The following ZYG11A variants were observed in gnomAD, a reference collection of about 807,000 sequenced individuals.
ZYG11A encodes the protein zyg-11 family member A, cell cycle regulator.
In ZYG11A, 62 loss-of-function variants were observed where a neutral mutation model predicts 77.2. That is an observed-to-expected ratio of 0.80 (90% CI 0.65 to 0.99). The LOEUF (loss-of-function observed/expected upper bound fraction) is 0.99. Ranked by LOEUF, ZYG11A falls within the 50% of genes least tolerant of loss-of-function variation. ZYG11A has a pLI of 0.00. For synonymous variants in ZYG11A, 315 were observed against 324.6 expected (o/e 0.97, Z 0.32); for missense variants, 828 against 896.8 (o/e 0.92, Z 0.98).
chr1:52,846,277 T>C (rs1184779238), intron 1 of ZYG11A, among the ~76,000 whole-genome samples: 1 of 140,568 alleles, frequency 7.1e-6, no homozygotes, highest in Non-Finnish European at 1.5e-5. Context: ...AGCTAGTTTT[T>C]AGTTCTTTTG....
chr1:52,892,384 CG>C (rs1646559787), intron 13 of ZYG11A, among the ~76,000 whole-genome samples: 1 of 150,708 alleles, frequency 6.6e-6, no homozygotes, highest in African/African-American at 2.4e-5. Flanking sequence ...AAAAATTAGC[CG>C]GGCGTGGTGG....
chr1:52,843,513 G>A (rs1465228309), intron 1 of ZYG11A, among the ~76,000 whole-genome samples: 2 of 152,182 alleles, frequency 1.3e-5, no homozygotes, highest in Non-Finnish European at 2.9e-5. Flanking sequence ...CCGGCTGGGG[G>A]AACTGGAACC....
intron 13 of ZYG11A, among the ~76,000 whole-genome samples, chr1:52,889,338 A>G (rs1182184221): frequency 6.6e-6 from 1 of 152,048 alleles, no homozygotes; most frequent in African/African-American, 2.4e-5. Context: ...TATTTTTATC[A>G]GCATCATGTT....
intron 8 of ZYG11A, among the ~76,000 whole-genome samples, chr1:52,871,336 T>C (rs1646161232): frequency 6.6e-6 from 1 of 152,114 alleles, no homozygotes; most frequent in Admixed American, 6.6e-5. Flanking sequence ...TCTTTGGAAT[T>C]TTTTTGAGAT....
At chr1:52,864,282 G>A (rs1645982426) in intron 5 of ZYG11A, 125 bp downstream of exon 5, 3 of 1,012,000 alleles carry the variant, frequency 3.0e-6, no homozygotes, top group Non-Finnish European at 4.2e-6. Flanking sequence ...GTCTCTCTCT[G>A]TCGCCCAGGC....
At chr1:52,871,402 A>G (rs115575701) in intron 8 of ZYG11A, among the ~76,000 whole-genome samples, 14 of 151,560 alleles carry the variant, frequency 9.2e-5, no homozygotes, top group African/African-American at 3.1e-4. Flanking sequence ...TGCACTGTTT[A>G]TGCTACCTTT....
intron 13 of ZYG11A, among the ~76,000 whole-genome samples, chr1:52,891,399 CA>C (rs1646540745): frequency 6.6e-6 from 1 of 151,688 alleles, no homozygotes; most frequent in Admixed American, 6.6e-5. Context: ...TCAACTTTAG[CA>C]GGGCTTATTT....
intron 12 of ZYG11A, among the ~76,000 whole-genome samples, chr1:52,886,727 T>TTTC (rs869064249): frequency 7.0e-6 from 1 of 142,854 alleles, no homozygotes; most frequent in African/African-American, 2.7e-5. Context: ...TTTTTTTTTT[T>TTTC]GTAGAGACGG....
In ZYG11A at chr1:52,892,893, T is replaced by G. The variant is rs1279822564; in HGVS notation, c.2216T>G (p.Leu739Arg). 1.3e-6 allele frequency: 2 copies of G among 1,551,868 alleles called. No individual in the cohort carries two copies. The highest frequency in any genetic ancestry group is 2.4e-5 in the South Asian group (2 of 84,060). The part of the protein sequence containing the change: ...PKAQQIAASI[L>R]DDFRMHFMNY... ...GCACAGCAGATTGCAGCCTCCATTC[T>G]GGATGACTTCAGAATGCATTTCATG... Residue 739 changes from leucine to arginine, a missense_variant, in exon 14 of 14, where the codon CTG becomes CGG. Transcript: ENST00000371528.
chr1:52,878,666 C>T (rs1347625765), intron 10 of ZYG11A, among the ~76,000 whole-genome samples: 21 of 152,158 alleles, frequency 1.4e-4, no homozygotes, highest in Non-Finnish European at 2.4e-4. Flanking sequence ...CGGCCAGGCA[C>T]GGTGGTTCAT....
intron 1 of ZYG11A, among the ~76,000 whole-genome samples, chr1:52,844,165 C>T (rs1461771248): frequency 6.6e-6 from 1 of 152,170 alleles, no homozygotes; most frequent in East Asian, 1.9e-4. Flanking sequence ...CCGCCAAGGG[C>T]CACCCTTGGG....
At chr1:52,880,565 T>C (rs1326177484) in intron 10 of ZYG11A, among the ~76,000 whole-genome samples, 1 of 152,188 alleles carries the variant, frequency 6.6e-6, no homozygotes, top group Non-Finnish European at 1.5e-5. Context: ...ATTATGTTAC[T>C]ATATACTTAT....
chr1:52,851,027 A>G (rs1645699464), intron 1 of ZYG11A, among the ~76,000 whole-genome samples: 1 of 152,010 alleles, frequency 6.6e-6, no homozygotes, highest in Non-Finnish European at 1.5e-5. Context: ...TATATTTTGC[A>G]ATTCAGAGAC....
rs1646360744 is a variant in ZYG11A, at chr1:52,881,489, A to G, written c.1768A>G (p.Arg590Gly). The G allele has an allele frequency of 6.4e-7, 1 of 1,550,656 alleles. No individual in the cohort carries two copies. Among genetic ancestry groups the G allele is most frequent in the Non-Finnish European group, 8.7e-7 (1 of 1,146,446 alleles). The change falls in exon 11 of 14, where the codon AGA becomes GGA. Residue 590 changes from arginine to glycine, a missense_variant. Coordinates refer to ENST00000371528, the MANE Select transcript of ZYG11A (RefSeq NM_001004339.3). Reference protein sequence around the residue: ...LGLLNNIAEVRELSSKLVTED... With the variant: ...LGLLNNIAEVGELSSKLVTED... ...CCTGTAGAACAACATAGCAGAAGTC[A>G]GAGAGCTCTCTTCCAAGCTGGTGAC...
intron 1 of ZYG11A, among the ~76,000 whole-genome samples, chr1:52,853,885 G>A (rs567613614): frequency 6.6e-6 from 1 of 152,092 alleles, no homozygotes; most frequent in African/African-American, 2.4e-5. Context: ...CAGCCTAGGC[G>A]ATAGTGAGAC....
intron 8 of ZYG11A, among the ~76,000 whole-genome samples, chr1:52,876,784 ATTC>A (rs1294065217): frequency 6.6e-6 from 1 of 152,190 alleles, no homozygotes; most frequent in Non-Finnish European, 1.5e-5. Context: ...AGGTGGTCTC[ATTC>A]TTCTTGAAAA....
chr1:52,869,389 C>T (rs1455560248), intron 8 of ZYG11A, among the ~76,000 whole-genome samples: 3 of 151,362 alleles, frequency 2.0e-5, no homozygotes, highest in African/African-American at 7.3e-5. Flanking sequence ...GAGGACCCTG[C>T]GGCCTTCCGC....
At chr1:52,855,116 C>T (rs1645785490) in intron 2 of ZYG11A, among the ~76,000 whole-genome samples, 1 of 152,012 alleles carries the variant, frequency 6.6e-6, no homozygotes, top group African/African-American at 2.4e-5. Context: ...TCTGCCTTGG[C>T]TTCCCAAAGT....
chr1:52,847,684 T>TC (rs1267981589), intron 1 of ZYG11A, among the ~76,000 whole-genome samples: 7 of 150,226 alleles, frequency 4.7e-5, no homozygotes, highest in Admixed American at 2.6e-4. Flanking sequence ...TTTTTTTTTT[T>TC]CCTTGGGACG....
Sources: gnomAD v4.1 joint callset for allele counts (sites outside exome capture counted in the v4.1 genomes callset) on GRCh38, gnomAD v4.1.1 for gene constraint, MANE v1.5 for transcripts, NCBI Gene and HGNC (gene_info 2026-07-23, HGNC 2026-07-21) for gene names.